The following EPB41L4B variants were observed in gnomAD, a reference collection of about 807,000 sequenced individuals.
EPB41L4B encodes erythrocyte membrane protein band 4.1 like 4B.
EPB41L4B carries 30 observed loss-of-function variants against 112.5 expected under a neutral mutation model. The ratio of observed to expected loss-of-function variants is 0.27; its 90% confidence interval spans 0.20 to 0.36. The LOEUF is 0.36. Ranked by LOEUF, EPB41L4B falls within the 10% of genes least tolerant of loss-of-function variation. EPB41L4B has a pLI of 1.00. For synonymous variants in EPB41L4B, 408 were observed against 439.7 expected (o/e 0.93, Z 0.90); for missense variants, 1,024 against 1,133.3 (o/e 0.90, Z 1.38).
At chr9:109,243,819 GTGGATGTT>G (rs1834441714) in intron 14 of EPB41L4B, 137 bp from the exon 15 acceptor site, 1 of 790,118 alleles carries the variant, frequency 1.3e-6, no homozygotes, top group African/African-American at 1.7e-5. Context: ...TGGCTAGGGG[GTGGATGTT>G]TCCCAGGACG....
At chr9:109,225,414 G>A (rs1833723811) in intron 15 of EPB41L4B, among the ~76,000 whole-genome samples, 1 of 152,212 alleles carries the variant, frequency 6.6e-6, no homozygotes, top group Admixed American at 6.5e-5. Context: ...GTTCCACGTG[G>A]CTGGAGAGGC....
intron 1 of EPB41L4B, among the ~76,000 whole-genome samples, chr9:109,292,092 T>C (rs973272153): frequency 7.9e-5 from 12 of 152,188 alleles, no homozygotes; most frequent in African/African-American, 2.7e-4. Context: ...TGAACCCTCT[T>C]TCAATCAACA....
chr9:109,191,990 G>A (rs1044561732), intron 22 of EPB41L4B, among the ~76,000 whole-genome samples: 4 of 152,190 alleles, frequency 2.6e-5, no homozygotes, highest in African/African-American at 7.2e-5. Context: ...CCAAGAAGCC[G>A]AGAACAAAAC....
chr9:109,254,281 C>T (rs1216198204), intron 11 of EPB41L4B, among the ~76,000 whole-genome samples: 1 of 152,208 alleles, frequency 6.6e-6, no homozygotes, highest in African/African-American at 2.4e-5. Context: ...CACTCCACTC[C>T]GAGTAGACAC....
chr9:109,273,239 G>A (rs1835693150), intron 2 of EPB41L4B, among the ~76,000 whole-genome samples: 1 of 151,814 alleles, frequency 6.6e-6, no homozygotes. Context: ...AGAGGCCTGT[G>A]GCATTTCTTT....
At chr9:109,174,937 G>A (rs1319042307) in intron 25 of EPB41L4B, among the ~76,000 whole-genome samples, 1 of 104,696 alleles carries the variant, frequency 9.6e-6, no homozygotes. Flanking sequence ...TTTTTTTTGA[G>A]ATGGAGTCTC....
chr9:109,181,038 G>T (rs1359324796), intron 24 of EPB41L4B, among the ~76,000 whole-genome samples: 1 of 152,148 alleles, frequency 6.6e-6, no homozygotes, highest in Admixed American at 6.5e-5. Flanking sequence ...TCAAGACAGG[G>T]TCTCACTCTG....
At chr9:109,207,131 AG>A (rs1426553333) in intron 18 of EPB41L4B, among the ~76,000 whole-genome samples, 82 of 152,056 alleles carry the variant, frequency 5.4e-4, no homozygotes, top group African/African-American at 1.9e-3. Flanking sequence ...TAGTCTCCAC[AG>A]GGCTTCTCCT....
intron 1 of EPB41L4B, among the ~76,000 whole-genome samples, chr9:109,306,443 G>A (rs1308752519): frequency 1.3e-5 from 2 of 152,018 alleles, no homozygotes; most frequent in Non-Finnish European, 2.9e-5. Context: ...GCAAAACCCC[G>A]TCTCTATTAA....
intron 17 of EPB41L4B, among the ~76,000 whole-genome samples, 177 bp downstream of exon 17, chr9:109,213,523 G>T (rs1833253846): frequency 6.6e-6 from 1 of 152,174 alleles, no homozygotes; most frequent in Non-Finnish European, 1.5e-5. Flanking sequence ...TCACCCAAAA[G>T]GAAGGTAAGT....
intron 14 of EPB41L4B, among the ~76,000 whole-genome samples, chr9:109,245,955 C>T (rs1042429987): frequency 1.3e-5 from 2 of 152,324 alleles, no homozygotes; most frequent in Non-Finnish European, 2.9e-5. Flanking sequence ...ACAGGCTATG[C>T]GGAGAGGGCA....
chr9:109,243,212 CAAAA>C (rs58092749), intron 15 of EPB41L4B, among the ~76,000 whole-genome samples: 42 of 52,268 alleles, frequency 8.0e-4, no homozygotes, highest in South Asian at 1.2e-3. Context: ...CCCACCCCCG[CAAAA>C]AAAAAAAAAA....
At chr9:109,196,672 C>A (rs1438943732) in intron 20 of EPB41L4B, among the ~76,000 whole-genome samples, 1 of 143,008 alleles carries the variant, frequency 7.0e-6, no homozygotes, top group Non-Finnish European at 1.5e-5. Flanking sequence ...GGGCTGTGAT[C>A]GACCACTGCA....
chr9:109,261,727 G>A (rs1835211440), intron 6 of EPB41L4B, among the ~76,000 whole-genome samples: 2 of 152,194 alleles, frequency 1.3e-5, no homozygotes, highest in African/African-American at 4.8e-5. Flanking sequence ...TGGTAGGACA[G>A]TGGGTTCCTT....
chr9:109,223,234 G>A (rs752439239), intron 15 of EPB41L4B, among the ~76,000 whole-genome samples: 2 of 152,068 alleles, frequency 1.3e-5, no homozygotes, highest in African/African-American at 2.4e-5. Context: ...GGGCCTAGGA[G>A]TTCGAGACCG....
In EPB41L4B at chr9:109,308,041, C is replaced by T. The variant is rs1489497857; in HGVS notation, c.306+12100G>A. Among the ~76,000 whole-genome samples the T allele has an allele frequency of 3.9e-5, 6 of 152,294 alleles. No homozygotes were observed. In the East Asian group the frequency reaches 5.8e-4, roughly 15 times the overall value. ...AGATTTTGGACCAGGTGTTCTCCAA[C>T]GGTTCCCTCAGAGGCGAACCCCACT... On this transcript the variant is annotated intron_variant, in intron 1 of 25. Coordinates refer to ENST00000374566, the MANE Select transcript of EPB41L4B (RefSeq NM_019114.5).
chr9:109,279,053 C>G (rs1473763531), intron 2 of EPB41L4B, among the ~76,000 whole-genome samples: 1 of 152,190 alleles, frequency 6.6e-6, no homozygotes, highest in African/African-American at 2.4e-5. Flanking sequence ...CCATCCACCC[C>G]CAACCCCACT....
intron 24 of EPB41L4B, among the ~76,000 whole-genome samples, chr9:109,178,836 G>T (rs368358820): frequency 4.2e-5 from 6 of 143,518 alleles, no homozygotes; most frequent in South Asian, 4.5e-4. Context: ...GCCTTGGCAT[G>T]AATTGAGGTA....
intron 5 of EPB41L4B, among the ~76,000 whole-genome samples, chr9:109,264,763 T>C (rs1835339693): frequency 6.6e-6 from 1 of 152,192 alleles, no homozygotes; most frequent in South Asian, 2.1e-4. Flanking sequence ...TCACTTAAGA[T>C]ATTAAATGGT....
Sources: allele counts gnomAD v4.1 joint callset (sites outside exome capture counted in the v4.1 genomes callset), GRCh38; gene constraint gnomAD v4.1.1; transcripts MANE v1.5; gene names NCBI Gene and HGNC (gene_info 2026-07-23, HGNC 2026-07-21).